The following PKNOX2 variants were observed in gnomAD, a reference collection of about 807,000 sequenced individuals.
The protein encoded by PKNOX2 is PBX/knotted 1 homeobox 2.
In PKNOX2, 14 loss-of-function variants were observed where a neutral mutation model predicts 53.1. That is an observed-to-expected ratio of 0.26 (90% CI 0.17 to 0.41). The LOEUF is 0.41. Ranked by LOEUF, PKNOX2 falls within the 10% of genes least tolerant of loss-of-function variation. The pLI is 1.00. For synonymous variants in PKNOX2, 257 were observed against 242.8 expected (o/e 1.06, Z -0.54); for missense variants, 496 against 602.8 (o/e 0.82, Z 1.85).
chr11:125,263,138 G>C (rs903832707), intron 2 of PKNOX2, among the ~76,000 whole-genome samples: 3 of 152,140 alleles, frequency 2.0e-5, no homozygotes, highest in African/African-American at 7.2e-5. Context: ...TGTGTGACTG[G>C]GGACCAATTC....
intron 1 of PKNOX2, among the ~76,000 whole-genome samples, chr11:125,217,412 G>A (rs531627376): frequency 7.2e-5 from 11 of 152,306 alleles, no homozygotes; most frequent in Non-Finnish European, 1.2e-4. Flanking sequence ...AGATCTTCAC[G>A]CTTCCACGTA....
intron 1 of PKNOX2, among the ~76,000 whole-genome samples, chr11:125,186,580 A>C (rs1222108452): frequency 2.0e-5 from 3 of 152,200 alleles, no homozygotes; most frequent in Non-Finnish European, 4.4e-5. Flanking sequence ...TGAGCCCAGG[A>C]GTTTATGGCT....
rs1277850359 is a variant in PKNOX2 at position 125,166,655 on chromosome 11, C to T, written c.-201+1879C>T. ...GCTAGCAGCGAGGTGCCACAGTGGG[C>T]CGAGGAGTCTGGGCTGTGGCCCAGG... On this transcript the variant is annotated intron_variant, in intron 1 of 12. Transcript: ENST00000298282. This position sits in a 1 kb window ranked among gnomAD's most constrained non-coding sequence, Gnocchi z 4.0. Among the ~76,000 whole-genome samples, 1 of 152,124 alleles carries T rather than the reference C, an allele frequency of 6.6e-6. No homozygotes were observed. The highest frequency in any genetic ancestry group is 1.5e-5 in the Non-Finnish European group (1 of 68,022).
At chr11:125,245,724 G>A in intron 2 of PKNOX2, among the ~76,000 whole-genome samples, 1 of 152,180 alleles carries the variant, frequency 6.6e-6, no homozygotes, top group Non-Finnish European at 1.5e-5. Context: ...GGGGCAGGGA[G>A]CAAAAGGAAA....
chr11:125,355,469 T>C (rs1306228596), intron 4 of PKNOX2, among the ~76,000 whole-genome samples: 2 of 152,066 alleles, frequency 1.3e-5, no homozygotes, highest in Non-Finnish European at 2.9e-5. Context: ...CCCCTCACTT[T>C]ATGCCCTGAA....
intron 1 of PKNOX2, among the ~76,000 whole-genome samples, chr11:125,231,451 AT>A (rs1942201019): frequency 6.6e-6 from 1 of 152,318 alleles, no homozygotes; most frequent in South Asian, 2.1e-4. Flanking sequence ...ATTCCATTTT[AT>A]TTTCACGATG....
At chr11:125,225,209 C>A (rs538420492) in intron 1 of PKNOX2, among the ~76,000 whole-genome samples, 1 of 152,192 alleles carries the variant, frequency 6.6e-6, no homozygotes. Context: ...ACCCGTCCTG[C>A]AGGACCTATA....
At chr11:125,233,712 G>C (rs922455614) in intron 1 of PKNOX2, among the ~76,000 whole-genome samples, 1 of 152,196 alleles carries the variant, frequency 6.6e-6, no homozygotes, top group African/African-American at 2.4e-5. Flanking sequence ...ATGAACCAGA[G>C]AGAAAATTTG....
intron 1 of PKNOX2, among the ~76,000 whole-genome samples, chr11:125,178,421 G>A (rs1955849411): frequency 6.6e-6 from 1 of 151,302 alleles, no homozygotes; most frequent in Admixed American, 6.6e-5. Flanking sequence ...TGAGGCAGGA[G>A]AATCGCTTGA....
chr11:125,368,406 T>C (rs1952312411), intron 5 of PKNOX2, among the ~76,000 whole-genome samples: 1 of 152,172 alleles, frequency 6.6e-6, no homozygotes, highest in Admixed American at 6.5e-5. Flanking sequence ...TCAGGAGGCA[T>C]GAAAGTCACA....
At position 125,351,340 on chromosome 11, in the gene PKNOX2, C is replaced by G. The variant is rs746627196; in HGVS notation, c.35C>G (p.Thr12Arg). Residue 12 changes from threonine (T) to arginine (R), a missense_variant, in exon 4 of 13, where the codon ACG (threonine) becomes AGG (arginine). Coordinates refer to ENST00000298282, the MANE Select transcript of PKNOX2 (RefSeq NM_001382323.2). ...CATGCCTCCCCAGCCCCCGCTCTGA[C>G]GATGATGGCCACGCAGAATGTCCCG... ...MQHASPAPAL[T>R]MMATQNVPPP... 6.2e-6 allele frequency: 10 copies of G among 1,610,218 alleles called. No individual in the cohort carries two copies. Among genetic ancestry groups the G allele is most frequent in the Non-Finnish European group, 7.6e-6 (9 of 1,177,896 alleles).
intron 1 of PKNOX2, among the ~76,000 whole-genome samples, chr11:125,173,662 C>T (rs150622968): frequency 2.3e-4 from 35 of 152,306 alleles, no homozygotes; most frequent in East Asian, 7.7e-4. Flanking sequence ...TGGGAGGGCC[C>T]GCACTAAGAG....
chr11:125,207,892 A>C (rs1939331199), intron 1 of PKNOX2, among the ~76,000 whole-genome samples: 1 of 152,122 alleles, frequency 6.6e-6, no homozygotes, highest in African/African-American at 2.4e-5. Flanking sequence ...GAAAACTGCC[A>C]GGGAGACTTA....
chr11:125,166,890 C>A lies in PKNOX2; in HGVS notation c.-201+2114C>A, dbSNP rs565870175. On this transcript the variant is annotated intron_variant, in intron 1 of 12. Coordinates refer to ENST00000298282, the MANE Select transcript of PKNOX2 (RefSeq NM_001382323.2). The surrounding 1 kb of genome is among the most constrained non-coding windows in gnomAD (Gnocchi z 4.0). ...TATAACCGGTGGCAGCCAAAAGCTT[C>A]GCATTTTAGGCAGTTTAGACGATCC... 6.6e-5 allele frequency among the ~76,000 whole-genome samples: 10 copies of A among 152,230 alleles called. No individual in the cohort carries two copies. Among genetic ancestry groups the A allele is most frequent in the African/African-American group, 2.4e-4 (10 of 41,550 alleles).
intron 2 of PKNOX2, among the ~76,000 whole-genome samples, chr11:125,245,924 G>T (rs1318768420): frequency 1.3e-5 from 2 of 152,146 alleles, no homozygotes; most frequent in African/African-American, 4.8e-5. Flanking sequence ...TTGTTTTTAA[G>T]GGTGAGTGCT....
chr11:125,251,028 G>A (rs1469774521), intron 2 of PKNOX2, among the ~76,000 whole-genome samples: 1 of 152,234 alleles, frequency 6.6e-6, no homozygotes, highest in African/African-American at 2.4e-5. Context: ...TTGCCCAACA[G>A]GCTCTGGGCT....
chr11:125,410,959 A>G lies in PKNOX2; in HGVS notation c.816+83A>G, dbSNP rs1955473637. The stretch of plus-strand genomic sequence containing the variant: ...GCTTCTTATCTGCCAGGCACTTTAC[A>G]CGGGTGACTCATTGAATCCTCATCA... On this transcript the variant is annotated intron_variant, in intron 9 of 12. Transcript: ENST00000298282. 46 of 1,120,792 alleles carry G rather than the reference A, an allele frequency of 4.1e-5. 1 individual carries two copies. The South Asian group carries it at 6.0e-4, about 15-fold the overall frequency. The allele number at this position is 1,120,792 out of a possible 1,614,324, so 69.4% of individuals were successfully genotyped here.
Position 125,170,773 on chromosome 11 carries a change from C to T in PKNOX2, c.-201+5997C>T, listed in dbSNP as rs563002383. ...AAGCAATGAAGATTAGATTAAGTCT[C>T]CACCAAACAGCTTCGTTCTTGTATT... is the stretch of plus-strand genomic sequence containing the variant. On this transcript the variant is annotated intron_variant, in intron 1 of 12. Coordinates refer to ENST00000298282, the MANE Select transcript of PKNOX2 (RefSeq NM_001382323.2). Among the ~76,000 whole-genome samples, 4 of 152,322 alleles carry T rather than the reference C, an allele frequency of 2.6e-5. No individual in the cohort carries two copies. The South Asian group carries it at 6.2e-4, about 24-fold the overall frequency.
chr11:125,215,624 C>T (rs1404499784), intron 1 of PKNOX2, among the ~76,000 whole-genome samples: 1 of 151,562 alleles, frequency 6.6e-6, no homozygotes, highest in Non-Finnish European at 1.5e-5. Context: ...TAGTGGTGTG[C>T]ACCAGTAATC....
Sources: gnomAD v4.1 joint callset for allele counts (sites outside exome capture counted in the v4.1 genomes callset) on GRCh38, gnomAD v4.1.1 for gene constraint, Gnocchi (gnomAD v3.1) non-coding constraint, MANE v1.5 for transcripts, NCBI Gene and HGNC (gene_info 2026-07-23, HGNC 2026-07-21) for gene names.